The following STPG2 variants were observed in gnomAD, a reference collection of about 807,000 sequenced individuals.
STPG2 encodes sperm-tail PG-rich repeat-containing protein 2.
STPG2 carries 56 observed loss-of-function variants against 54.2 expected under a neutral mutation model. That is an observed-to-expected ratio of 1.03 (90% confidence interval 0.83 to 1.29). The LOEUF (loss-of-function observed/expected upper bound fraction) is 1.29. Ranked by LOEUF, STPG2 falls within the 50% of genes most tolerant of loss-of-function variation. The pLI is 0.00. For missense variants in STPG2, 596 were observed against 544.9 expected, an observed-to-expected ratio of 1.09 and a Z score of -0.93; for synonymous variants, 200 against 181.8, an observed-to-expected ratio of 1.10 and a Z score of -0.81.
chr4:97,921,677 C>T (rs1578692928), intron 8 of STPG2, among the ~76,000 whole-genome samples: 1 of 151,950 alleles, frequency 6.6e-6, no homozygotes, highest in African/African-American at 2.4e-5. Context: ...TATGCACTTC[C>T]CAGAAGGAGC....
chr4:98,115,699 G>C (rs527593085), intron 3 of STPG2, among the ~76,000 whole-genome samples: 7 of 151,964 alleles, frequency 4.6e-5, no homozygotes, highest in Admixed American at 3.3e-4. Flanking sequence ...AGCAAGCAAA[G>C]AGTTACCCAG....
chr4:97,839,587 TAA>T (rs1312188207), intron 9 of STPG2, among the ~76,000 whole-genome samples: 3 of 151,612 alleles, frequency 2.0e-5, no homozygotes, highest in African/African-American at 7.2e-5. Flanking sequence ...CAGTTGAGTG[TAA>T]TCAGGGACAC....
intron 8 of STPG2, among the ~76,000 whole-genome samples, chr4:97,852,674 T>G (rs989512511): frequency 1.3e-5 from 2 of 152,126 alleles, no homozygotes; most frequent in Non-Finnish European, 2.9e-5. Flanking sequence ...TGTAGTTATA[T>G]TGAGACTGAG....
chr4:97,675,735 T>A (rs542986864), intron 10 of STPG2, among the ~76,000 whole-genome samples: 1 of 151,602 alleles, frequency 6.6e-6, no homozygotes, highest in African/African-American at 2.4e-5. Flanking sequence ...CCCTCCTGGG[T>A]TGACTTTGCA....
intron 10 of STPG2, among the ~76,000 whole-genome samples, chr4:97,629,725 A>T (rs893787707): frequency 6.6e-6 from 1 of 152,002 alleles, no homozygotes; most frequent in Non-Finnish European, 1.5e-5. Context: ...ATCTAATTTC[A>T]TGTGTAAAAT....
At chr4:97,792,367 T>C (rs953457979) in intron 9 of STPG2, among the ~76,000 whole-genome samples, 1 of 152,138 alleles carries the variant, frequency 6.6e-6, no homozygotes, top group Non-Finnish European at 1.5e-5. Flanking sequence ...AATCCTTGAC[T>C]TCTCCCTTTT....
At chr4:97,604,477 A>C (rs919117925) in intron 10 of STPG2, among the ~76,000 whole-genome samples, 2 of 151,700 alleles carry the variant, frequency 1.3e-5, no homozygotes, top group Admixed American at 6.6e-5. Flanking sequence ...CTCAAAACAG[A>C]TGTGATGTTG....
chr4:97,821,190 G>C (rs967396017), intron 9 of STPG2, among the ~76,000 whole-genome samples: 2 of 152,138 alleles, frequency 1.3e-5, no homozygotes, highest in African/African-American at 4.8e-5. Flanking sequence ...TTCCAAAAGA[G>C]AGAAACTGGC....
chr4:97,971,731 G>T (rs1375222078), intron 7 of STPG2, among the ~76,000 whole-genome samples: 1 of 151,708 alleles, frequency 6.6e-6, no homozygotes, highest in Admixed American at 6.6e-5. Context: ...AAACCAACAT[G>T]GAACATGTAC....
intron 5 of STPG2, among the ~76,000 whole-genome samples, chr4:98,049,283 C>T (rs753077333): frequency 1.3e-5 from 2 of 152,096 alleles, no homozygotes; most frequent in African/African-American, 2.4e-5. Context: ...ATATCAAGCC[C>T]GTTGTTTACT....
In STPG2 at chr4:97,559,486, G is replaced by C. The variant is rs941302784; in HGVS notation, c.1321-369C>G. ...ATCCTAATAGGATATGGCTTACTTG[G>C]TGTTTCTATTTATAGATGAAACTGT... is the stretch of plus-strand genomic sequence containing the variant. On this transcript the variant is annotated intron_variant, in intron 10 of 10. Coordinates refer to ENST00000295268, the MANE Select transcript of STPG2 (RefSeq NM_174952.3). Among the ~76,000 whole-genome samples, 4 of 152,268 alleles carry C rather than the reference G, an allele frequency of 2.6e-5. No individual in the cohort carries two copies. In the South Asian group the frequency reaches 8.3e-4, roughly 32 times the overall value.
rs184685069 is a variant in STPG2, at chr4:97,736,590, C to T, written c.1205-23776G>A. On this transcript the variant is annotated intron_variant, in intron 9 of 10. Transcript: ENST00000295268. ...CCTGGCTCAGAGGGTCCTATGCCCA[C>T]GGAGTCTCACTGATTGCTAGCACAG... 6.0e-3 allele frequency among the ~76,000 whole-genome samples: 913 copies of T among 152,230 alleles called. 10 individuals carry two copies. The highest frequency in any genetic ancestry group is 0.021 in the African/African-American group (866 of 41,558).
At chr4:97,480,313 C>T (rs77808694) in intron 4 of STPG2, among the ~76,000 whole-genome samples, 3,033 of 151,472 alleles carry the variant, frequency 0.02, 54 homozygotes, top group Middle Eastern at 0.054. Context: ...TTCCGGTTTA[C>T]CCATTTAAAA....
intron 10 of STPG2, among the ~76,000 whole-genome samples, chr4:97,652,786 G>T (rs999572816): frequency 2.0e-5 from 3 of 151,894 alleles, no homozygotes; most frequent in Non-Finnish European, 2.9e-5. Flanking sequence ...TTAAAGAAAA[G>T]AAAATTTTCA....
intron 4 of STPG2, among the ~76,000 whole-genome samples, chr4:97,522,545 T>C (rs1426661329): frequency 6.6e-6 from 1 of 152,024 alleles, no homozygotes; most frequent in African/African-American, 2.4e-5. Flanking sequence ...GAACTCAATA[T>C]GTTAATATAT....
At chr4:97,771,200 C>T (rs1186701245) in intron 9 of STPG2, among the ~76,000 whole-genome samples, 2 of 152,112 alleles carry the variant, frequency 1.3e-5, no homozygotes, top group African/African-American at 4.8e-5. Flanking sequence ...AAATAAGGCA[C>T]ACTATGTCAA....
At chr4:97,995,628 G>T (rs995401454) in intron 5 of STPG2, among the ~76,000 whole-genome samples, 16 of 152,116 alleles carry the variant, frequency 1.1e-4, no homozygotes, top group African/African-American at 3.9e-4. Context: ...GATGTTCAAA[G>T]GGAAGGCACT....
intron 7 of STPG2, among the ~76,000 whole-genome samples, chr4:97,949,080 A>T (rs1733362832): frequency 6.6e-6 from 1 of 152,134 alleles, no homozygotes; most frequent in Non-Finnish European, 1.5e-5. Flanking sequence ...TGTTTTAAAA[A>T]TCTGAGAGCT....
intron 4 of STPG2, among the ~76,000 whole-genome samples, chr4:97,522,439 T>A (rs1003552896): frequency 6.6e-6 from 1 of 152,062 alleles, no homozygotes; most frequent in Non-Finnish European, 1.5e-5. Context: ...AAGACACTTT[T>A]CCCAGTGTTT....
Sources: allele counts gnomAD v4.1 joint callset (sites outside exome capture counted in the v4.1 genomes callset), GRCh38; gene constraint gnomAD v4.1.1; transcripts MANE v1.5; gene names NCBI Gene and HGNC (gene_info 2026-07-23, HGNC 2026-07-21).